The following RPL10A variants were observed in gnomAD, a reference collection of about 807,000 sequenced individuals.
The protein encoded by RPL10A is large ribosomal subunit protein uL1.
A neutral mutation model predicts 24.6 loss-of-function variants in RPL10A; 11 were observed. The ratio of observed to expected loss-of-function variants is 0.45; its 90% confidence interval spans 0.28 to 0.74. RPL10A has a LOEUF of 0.74. Ranked by LOEUF, RPL10A falls within the 30% of genes least tolerant of loss-of-function variation. RPL10A has a pLI of 0.13. For missense variants in RPL10A, 136 were observed against 273.1 expected (o/e 0.50, Z 3.54); for synonymous variants, 98 against 108.5 (o/e 0.90, Z 0.60).
At chr6:35,469,204 G>A (rs1363905200) in intron 3 of RPL10A, 177 bp downstream of exon 3, 1 of 1,469,008 alleles carries the variant, frequency 6.8e-7, no homozygotes, top group African/African-American at 1.4e-5. Flanking sequence ...AAAACATGAG[G>A]GGAGGCGTGG....
intron 4 of RPL10A, among the ~76,000 whole-genome samples, chr6:35,469,789 T>C (rs1368366281): frequency 6.6e-6 from 1 of 152,170 alleles, no homozygotes; most frequent in Non-Finnish European, 1.5e-5. Context: ...TGGAAATCTT[T>C]ACGCTGCGTT....
In RPL10A at chr6:35,470,100, C is replaced by A. The variant is rs1767996302; in HGVS notation, c.311-79C>A. 1 of 1,345,610 alleles carries A rather than the reference C, an allele frequency of 7.4e-7. No homozygotes were observed. The highest frequency in any genetic ancestry group is 2.3e-5 in the East Asian group (1 of 43,046). 83.4% of individuals were successfully genotyped at this position (1,345,610 alleles called of 1,614,324 possible). On this transcript the variant is annotated intron_variant, in intron 4 of 5. Coordinates refer to ENST00000322203, the MANE Select transcript of RPL10A (RefSeq NM_007104.5). The surrounding 1 kb of genome is among the most constrained non-coding windows in gnomAD (Gnocchi z 4.6). ...GTCACTTACATGATTGATTCAAGTG[C>A]GTTTCTGGCCTGCCACATTTGAGGT...
chr6:35,469,228 GAGCCCGCCGGCC>G, intron 3 of RPL10A, 141 bp from the exon 4 acceptor site: 1 of 1,481,984 alleles, frequency 6.7e-7, no homozygotes, highest in Non-Finnish European at 8.9e-7. Context: ...GGCCTCGGCC[GAGCCCGCCGGCC>G]AGCCTGAGAA....
chr6:35,469,152 C>T (rs1238085475), intron 3 of RPL10A, 125 bp downstream of exon 3: 53 of 1,487,330 alleles, frequency 3.6e-5, no homozygotes, highest in Non-Finnish European at 4.7e-5. Context: ...AGACCCCCTG[C>T]TCCGGGCAGG....
Position 35,468,408 on chromosome 6 carries a change from T to G in RPL10A, c.-27T>G, listed in dbSNP as rs1438407422. 6.2e-7 allele frequency: 1 copy of G among 1,614,036 alleles called. No individual in the cohort carries two copies. Among genetic ancestry groups the G allele is most frequent in the East Asian group, 2.2e-5 (1 of 44,876 alleles). ...GCATGCGCAAGACATGCTAGTCTCTTTTCCGGTTAGCGCGGCGTGAGAAGC... is the reference window on the plus strand; with the variant it reads ...GCATGCGCAAGACATGCTAGTCTCTGTTCCGGTTAGCGCGGCGTGAGAAGC... On this transcript the variant is annotated 5_prime_UTR_variant, in exon 1 of 6. Coordinates refer to ENST00000322203, the MANE Select transcript of RPL10A (RefSeq NM_007104.5).
chr6:35,469,130 C>G, intron 3 of RPL10A, 103 bp downstream of exon 3: 13 of 1,545,772 alleles, frequency 8.4e-6, no homozygotes, highest in Non-Finnish European at 1.1e-5. Context: ...TACTGATGTG[C>G]TAGGGTAGTT....
At chr6:35,469,953 TGGGTCAGC>T (rs1383112456) in intron 4 of RPL10A, among the ~76,000 whole-genome samples, 3 of 152,120 alleles carry the variant, frequency 2.0e-5, no homozygotes, top group Non-Finnish European at 2.9e-5. Flanking sequence ...CCATGGATCA[TGGGTCAGC>T]CTGGTTTTCT....
chr6:35,468,936 C>G lies in RPL10A; in HGVS notation c.81-11C>G. 1.2e-6 allele frequency: 2 copies of G among 1,613,964 alleles called. No individual in the cohort carries two copies. Among genetic ancestry groups the G allele is most frequent in the Non-Finnish European group, 1.7e-6 (2 of 1,179,916 alleles). The stretch of plus-strand genomic sequence containing the variant: ...GGCCGGCGGGTGCTTAACCCCCCTC[C>G]TCTCTCGAAGGTTCCTGGAGACGGT... On this transcript the variant is annotated splice_polypyrimidine_tract_variant and intron_variant, in intron 2 of 5. Coordinates refer to ENST00000322203, the MANE Select transcript of RPL10A (RefSeq NM_007104.5).
At position 35,469,594 on chromosome 6, in the gene RPL10A, G is replaced by A. The variant is rs1188082025; in HGVS notation, c.310+65G>A. The A allele has an allele frequency of 5.3e-6, 8 of 1,522,412 alleles. No homozygotes were observed. The South Asian group carries it at 8.7e-5, about 17-fold the overall frequency. 94.3% of individuals were successfully genotyped at this position (1,522,412 alleles called of 1,614,324 possible). On this transcript the variant is annotated intron_variant, in intron 4 of 5. Transcript: ENST00000322203. ...GTGGGGGCGGTAGAAAGGCTTTTCT[G>A]CCATTTTCGATTTTTAAATGATGAG...
At chr6:35,468,621 T>C in intron 1 of RPL10A, 178 bp from the exon 2 acceptor site, 1 of 1,527,502 alleles carries the variant, frequency 6.5e-7, no homozygotes, top group Non-Finnish European at 8.8e-7. Flanking sequence ...AGCCTCCCTC[T>C]TCCACCGGGG....
rs752221285 is a variant in RPL10A, at chr6:35,468,917, C to G, written c.81-30C>G. 8.7e-6 allele frequency: 14 copies of G among 1,613,508 alleles called. No individual in the cohort carries two copies. The South Asian group carries it at 1.4e-4, about 16-fold the overall frequency. On this transcript the variant is annotated intron_variant, in intron 2 of 5. Coordinates refer to ENST00000322203, the MANE Select transcript of RPL10A (RefSeq NM_007104.5). ...GCACGGCGCGGGTGGCGAGGGCCGGCGGGTGCTTAACCCCCCTCCTCTCTC... is the reference window on the plus strand; with the variant it reads ...GCACGGCGCGGGTGGCGAGGGCCGGGGGGTGCTTAACCCCCCTCCTCTCTC...
rs749038104 is a variant in RPL10A at position 35,470,480 on chromosome 6, C to G, written c.484-100C>G. 1 of 1,485,902 alleles carries G rather than the reference C, an allele frequency of 6.7e-7. No homozygotes were observed. Among genetic ancestry groups the G allele is most frequent in the African/African-American group, 1.4e-5 (1 of 72,108 alleles). 92.0% of individuals were successfully genotyped at this position (1,485,902 alleles called of 1,614,324 possible). ...TTTTGGAGTAACCCTGGTCTTGGCCCGGGTCCAAGTACCTGCTCACCAGGC... is the reference window on the plus strand; with the variant it reads ...TTTTGGAGTAACCCTGGTCTTGGCCGGGGTCCAAGTACCTGCTCACCAGGC... On this transcript the variant is annotated intron_variant, in intron 5 of 5. Coordinates refer to ENST00000322203, the MANE Select transcript of RPL10A (RefSeq NM_007104.5). This position sits in a 1 kb window ranked among gnomAD's most constrained non-coding sequence, Gnocchi z 4.6.
chr6:35,468,959 G>C lies in RPL10A; in HGVS notation c.93G>C (p.Thr31=), dbSNP rs1013242482. 5.0e-6 allele frequency: 8 copies of C among 1,613,994 alleles called. No individual in the cohort carries two copies. Among genetic ancestry groups the C allele is most frequent in the South Asian group, 1.1e-5 (1 of 91,084 alleles). Residue 31 remains threonine (T), a synonymous_variant, in exon 3 of 6, where the codon ACG becomes ACC. Coordinates refer to ENST00000322203, the MANE Select transcript of RPL10A (RefSeq NM_007104.5). The stretch of plus-strand genomic sequence containing the variant: ...TCCTCTCTCGAAGGTTCCTGGAGAC[G>C]GTGGAGTTGCAGATCAGCTTGAAGA... ...NQRKRRKFLE[T]VELQISLKNY...
chr6:35,469,275 G>A, intron 3 of RPL10A, 106 bp from the exon 4 acceptor site: 1 of 1,507,878 alleles, frequency 6.6e-7, no homozygotes, highest in Non-Finnish European at 8.8e-7. Flanking sequence ...TGGTGAATGT[G>A]AACGCTCCGG....
At chr6:35,468,606 C>G in intron 1 of RPL10A, 167 bp downstream of exon 1, 2 of 1,541,884 alleles carry the variant, frequency 1.3e-6, no homozygotes, top group East Asian at 2.4e-5. Context: ...GGTCCGATCA[C>G]TGAGAGCCTC....
chr6:35,468,423 G>A lies in RPL10A; in HGVS notation c.-12G>A. ...GCTAGTCTCTTTTCCGGTTAGCGCG[G>A]CGTGAGAAGCCATGAGGTGAGTTGG... is the stretch of plus-strand genomic sequence containing the variant. On this transcript the variant is annotated 5_prime_UTR_variant, in exon 1 of 6. Transcript: ENST00000322203. 1 of 1,614,098 alleles carries A rather than the reference G, an allele frequency of 6.2e-7. No homozygotes were observed.
chr6:35,470,398 C>T lies in RPL10A; in HGVS notation c.483+47C>T, dbSNP rs746504949. On this transcript the variant is annotated intron_variant, in intron 5 of 5. Transcript: ENST00000322203. The surrounding 1 kb of genome is among the most constrained non-coding windows in gnomAD (Gnocchi z 4.6). Reference sequence around the variant, plus strand: ...CTATGGGTGAAGGTGTTGGCAGGGTCTAAATCTTATCCAAGTCTCTAAATA... The same window carrying T: ...CTATGGGTGAAGGTGTTGGCAGGGTTTAAATCTTATCCAAGTCTCTAAATA... The T allele has an allele frequency of 6.4e-7, 1 of 1,572,724 alleles. No individual in the cohort carries two copies. The highest frequency in any genetic ancestry group is 8.6e-7 in the Non-Finnish European group (1 of 1,160,306).
intron 2 of RPL10A, 25 bp from the exon 3 acceptor site, chr6:35,468,922 G>A (rs756931527): frequency 1.9e-6 from 3 of 1,613,792 alleles, no homozygotes; most frequent in South Asian, 2.2e-5. Context: ...GCCGGCGGGT[G>A]CTTAACCCCC....
rs756875078 is a variant in RPL10A, at chr6:35,468,458, C to T, written c.5+19C>T. 21 of 1,613,894 alleles carry T rather than the reference C, an allele frequency of 1.3e-5. No homozygotes were observed. Among genetic ancestry groups the T allele is most frequent in the Admixed American group, 1.7e-5 (1 of 60,012 alleles). ...CCATGAGGTGAGTTGGTCCTGAAAGCCCTATCCGCGTTCATCCGCGCCTTC... is the reference window on the plus strand; with the variant it reads ...CCATGAGGTGAGTTGGTCCTGAAAGTCCTATCCGCGTTCATCCGCGCCTTC... On this transcript the variant is annotated intron_variant, in intron 1 of 5. Transcript: ENST00000322203.
Sources: allele counts gnomAD v4.1 joint callset (sites outside exome capture counted in the v4.1 genomes callset), GRCh38; gene constraint gnomAD v4.1.1; non-coding constraint Gnocchi (gnomAD v3.1); transcripts MANE v1.5; gene names NCBI Gene and HGNC (gene_info 2026-07-23, HGNC 2026-07-21).